ZNF536: variants seen among roughly 807,000 people sequenced by gnomAD.
ZNF536 encodes the protein zinc finger protein 536.
In ZNF536, 13 loss-of-function variants were observed where a neutral mutation model predicts 84.5. The observed-to-expected ratio is 0.15, with a 90% CI of 0.10 to 0.24. The LOEUF (loss-of-function observed/expected upper bound fraction) is 0.24, where lower values mean the gene tolerates loss of function less well. Ranked by LOEUF, ZNF536 falls within the 10% of genes least tolerant of loss-of-function variation. The probability of loss-of-function intolerance (pLI) is 1.00; values close to 1 mark genes in which losing one functional copy is unlikely to be tolerated. For missense variants in ZNF536, 1,536 were observed against 1,747.5 expected, an observed-to-expected ratio of 0.88 and a Z score of 2.16; for synonymous variants, 811 against 742.5, an observed-to-expected ratio of 1.09 and a Z score of -1.50.
At chr19:30,233,339 C>CTTTT (rs375462948) in intron 1 of ZNF536, among the ~76,000 whole-genome samples, 2 of 143,586 alleles carry the variant, frequency 1.4e-5, no homozygotes, top group African/African-American at 5.1e-5. Context: ...ATAATGATAC[C>CTTTT]TTTTTTTTTT....
intron 2 of ZNF536, among the ~76,000 whole-genome samples, chr19:30,302,040 G>A (rs778201875): frequency 2.0e-5 from 3 of 151,740 alleles, no homozygotes; most frequent in Non-Finnish European, 4.4e-5. Context: ...TGTAGAGCAC[G>A]TTTTAGCAAC....
At chr19:30,524,229 T>G (rs1429930865) in intron 2 of ZNF536, among the ~76,000 whole-genome samples, 2 of 152,240 alleles carry the variant, frequency 1.3e-5, no homozygotes, top group Non-Finnish European at 2.9e-5. Context: ...CATGTATCTC[T>G]TTGTTGCAGA....
chr19:30,415,531 T>A (rs1015997860), intron 1 of ZNF536, among the ~76,000 whole-genome samples: 4 of 151,832 alleles, frequency 2.6e-5, no homozygotes, highest in African/African-American at 4.8e-5. Context: ...CTTTCAAACG[T>A]AATTCTTTTT....
intron 1 of ZNF536, among the ~76,000 whole-genome samples, chr19:30,599,922 T>C (rs1009973179): frequency 2.6e-5 from 4 of 152,102 alleles, no homozygotes; most frequent in Admixed American, 6.5e-5. Flanking sequence ...CCAATCTGAG[T>C]TTGATTCTTG....
intron 1 of ZNF536, among the ~76,000 whole-genome samples, chr19:30,563,640 G>C (rs1428009869): frequency 6.6e-6 from 1 of 152,174 alleles, no homozygotes. Flanking sequence ...TAAACACCTG[G>C]ATGTCATGTT....
chr19:30,690,360 C>T (rs189074130), intron 1 of ZNF536, among the ~76,000 whole-genome samples: 1 of 152,172 alleles, frequency 6.6e-6, no homozygotes, highest in Non-Finnish European at 1.5e-5. Context: ...AGAGAGGAAG[C>T]GATTTGAAAG....
intron 1 of ZNF536, among the ~76,000 whole-genome samples, chr19:30,402,790 T>TA (rs2050097519): frequency 1.1e-5 from 1 of 90,646 alleles, no homozygotes; most frequent in Non-Finnish European, 2.2e-5. Context: ...TTTTTTAAAA[T>TA]TAAAAAATAT....
chr19:30,693,544 G>A (rs1176261975), intron 1 of ZNF536, among the ~76,000 whole-genome samples: 2 of 151,902 alleles, frequency 1.3e-5, no homozygotes, highest in East Asian at 3.9e-4. Flanking sequence ...ATAGTGGGGG[G>A]AGAGAAGAGA....
At chr19:30,458,247 G>A (rs2052949117) in intron 2 of ZNF536, among the ~76,000 whole-genome samples, 1 of 152,010 alleles carries the variant, frequency 6.6e-6, no homozygotes, top group African/African-American at 2.4e-5. Flanking sequence ...ATGGGAATTT[G>A]GGTGGGGAAG....
chr19:30,689,711 G>A lies in ZNF536; in HGVS notation c.170-21046G>A, dbSNP rs181367185. Reference sequence around the variant, plus strand: ...GGGGCAAATGCCTTCCTGAGACAGCGTTCCCGTGTGTCCCGTGGAACAGGG... The same window carrying A: ...GGGGCAAATGCCTTCCTGAGACAGCATTCCCGTGTGTCCCGTGGAACAGGG... On this transcript the variant is annotated intron_variant, in intron 1 of 1. Transcript: ENST00000592773. Among the ~76,000 whole-genome samples the A allele has an allele frequency of 1.2e-4, 19 of 152,274 alleles. No homozygotes were observed. In the East Asian group the frequency reaches 2.7e-3, roughly 22 times the overall value.
chr19:30,660,023 A>AT (rs1365084487), intron 1 of ZNF536, among the ~76,000 whole-genome samples: 5 of 152,256 alleles, frequency 3.3e-5, no homozygotes, highest in African/African-American at 1.2e-4. Context: ...CAATGATTTC[A>AT]TAAAGCCCCA....
At chr19:30,678,742 C>G (rs1034064628) in intron 1 of ZNF536, among the ~76,000 whole-genome samples, 1 of 150,546 alleles carries the variant, frequency 6.6e-6, no homozygotes, top group Non-Finnish European at 1.5e-5. Context: ...AGCCCCCCCA[C>G]ACACACCTAT....
intron 2 of ZNF536, among the ~76,000 whole-genome samples, chr19:30,463,511 C>A (rs1257210365): frequency 6.6e-6 from 1 of 152,266 alleles, no homozygotes; most frequent in African/African-American, 2.4e-5. Context: ...GCCTTGTGCC[C>A]GGAGGAGGTC....
chr19:30,397,686 T>C (rs2049878219), intron 1 of ZNF536, among the ~76,000 whole-genome samples: 1 of 152,254 alleles, frequency 6.6e-6, no homozygotes, highest in South Asian at 2.1e-4. Context: ...TAAATGTTAA[T>C]TGGCGTCTGT....
chr19:30,678,973 G>A (rs538255928), intron 1 of ZNF536, among the ~76,000 whole-genome samples: 90 of 152,162 alleles, frequency 5.9e-4, no homozygotes, highest in African/African-American at 2.0e-3. Context: ...AGAGTAGCAC[G>A]TTGTTACATA....
chr19:30,339,434 A>C (rs993944959), intron 2 of ZNF536, among the ~76,000 whole-genome samples: 1 of 152,218 alleles, frequency 6.6e-6, no homozygotes, highest in Non-Finnish European at 1.5e-5. Context: ...GGTGAGGTGC[A>C]GGTGGGAATA....
chr19:30,329,232 C>T (rs1298620059), intron 2 of ZNF536, among the ~76,000 whole-genome samples: 3 of 152,168 alleles, frequency 2.0e-5, no homozygotes, highest in Non-Finnish European at 2.9e-5. Context: ...GAGACAGGTC[C>T]GAAAGGACTG....
At chr19:30,276,485 C>T (rs967339377) in intron 1 of ZNF536, among the ~76,000 whole-genome samples, 1 of 152,164 alleles carries the variant, frequency 6.6e-6, no homozygotes, top group Non-Finnish European at 1.5e-5. Context: ...ATGCTCAGCC[C>T]TGCCTTGCCA....
At chr19:30,532,439 A>G (rs1164516212) in intron 2 of ZNF536, among the ~76,000 whole-genome samples, 1 of 152,128 alleles carries the variant, frequency 6.6e-6, no homozygotes, top group Non-Finnish European at 1.5e-5. Flanking sequence ...CCCAATAATT[A>G]CACTTCTGAA....
Sources: gnomAD v4.1 joint callset for allele counts (sites outside exome capture counted in the v4.1 genomes callset) on GRCh38, gnomAD v4.1.1 for gene constraint, MANE v1.5 for transcripts, NCBI Gene and HGNC (gene_info 2026-07-23, HGNC 2026-07-21) for gene names.